Variants in SPPL3 observed in about 807,000 individuals in gnomAD.
SPPL3 encodes signal peptide peptidase like 3.
A neutral mutation model predicts 42.4 loss-of-function variants in SPPL3; 5 were observed. The ratio of observed to expected loss-of-function variants is 0.12; its 90% CI spans 0.06 to 0.25. The LOEUF (loss-of-function observed/expected upper bound fraction) is 0.25, where lower values mean the gene tolerates loss of function less well. Ranked by LOEUF, SPPL3 falls within the 10% of genes least tolerant of loss-of-function variation. The pLI is 1.00. For synonymous variants in SPPL3, 195 were observed against 181.8 expected (o/e 1.07, Z -0.58); for missense variants, 235 against 489.0 (o/e 0.48, Z 4.90).
chr12:120,804,953 T>C (rs1328853043), intron 2 of SPPL3, among the ~76,000 whole-genome samples: 1 of 152,140 alleles, frequency 6.6e-6, no homozygotes, highest in Non-Finnish European at 1.5e-5. Context: ...AAAAACATGC[T>C]AAGTGAAAGA....
intron 1 of SPPL3, among the ~76,000 whole-genome samples, chr12:120,867,705 C>T (rs1212597705): frequency 1.3e-5 from 2 of 150,916 alleles, no homozygotes; most frequent in Admixed American, 1.3e-4. Flanking sequence ...AGAAGTTTAT[C>T]TTAGAGTTGA....
chr12:120,875,297 T>C (rs529323398), intron 1 of SPPL3, among the ~76,000 whole-genome samples: 1 of 152,220 alleles, frequency 6.6e-6, no homozygotes, highest in Non-Finnish European at 1.5e-5. Flanking sequence ...ATTTTTAAAA[T>C]TATGCTTAAG....
In SPPL3 at chr12:120,858,684, G is replaced by A. The variant is rs116608936; in HGVS notation, c.23+45161C>T. On this transcript the variant is annotated intron_variant, in intron 1 of 10. Transcript: ENST00000353487. The stretch of plus-strand genomic sequence containing the variant: ...GAAAGGGATAAAAAGATTAGAGAGC[G>A]GCAATCTATAGAAAAACAGGCAAAG... Among the ~76,000 whole-genome samples the A allele has an allele frequency of 6.5e-3, 994 of 152,048 alleles. 19 individuals carry two copies. The highest frequency in any genetic ancestry group is 0.022 in the African/African-American group (929 of 41,464).
At chr12:120,845,520 G>T in intron 1 of SPPL3, 1 of 450,352 alleles carries the variant, frequency 2.2e-6, no homozygotes, top group Non-Finnish European at 4.3e-6. Flanking sequence ...GGTGGGAATG[G>T]TGGTCACCAT....
At position 120,806,459 on chromosome 12, in the gene SPPL3, T is replaced by C. The variant is rs188959530; in HGVS notation, c.101+4350A>G. Among the ~76,000 whole-genome samples, 295 of 152,232 alleles carry C rather than the reference T, an allele frequency of 1.9e-3. 1 individual carries two copies. Among genetic ancestry groups the C allele is most frequent in the African/African-American group, 6.8e-3 (284 of 41,544 alleles). ...AAGTGGATAACCACATTTATAAAGA[T>C]GAAATTAAATTTGTACCTCATGCCA... On this transcript the variant is annotated intron_variant, in intron 2 of 10. Coordinates refer to ENST00000353487, the MANE Select transcript of SPPL3 (RefSeq NM_139015.5).
chr12:120,865,893 C>T (rs1436044674), intron 1 of SPPL3, among the ~76,000 whole-genome samples: 3 of 152,306 alleles, frequency 2.0e-5, no homozygotes, highest in Non-Finnish European at 4.4e-5. Context: ...CTCACATTAA[C>T]GCCTGAGTTC....
At chr12:120,877,506 A>G (rs1593007647) in intron 1 of SPPL3, among the ~76,000 whole-genome samples, 1 of 152,182 alleles carries the variant, frequency 6.6e-6, no homozygotes, top group East Asian at 1.9e-4. Flanking sequence ...CCCGGCCAGG[A>G]GTGGTGGCTC....
chr12:120,864,669 T>C (rs756834056), intron 1 of SPPL3, among the ~76,000 whole-genome samples: 1 of 152,236 alleles, frequency 6.6e-6, no homozygotes. Context: ...AGTTTATTAG[T>C]TATTCTTAAA....
intron 1 of SPPL3, among the ~76,000 whole-genome samples, chr12:120,843,953 TC>T (rs1299494626): frequency 4.6e-5 from 7 of 152,018 alleles, no homozygotes; most frequent in Non-Finnish European, 1.0e-4. Flanking sequence ...GCGAGATTCC[TC>T]CCAAAAATAA....
intron 2 of SPPL3, among the ~76,000 whole-genome samples, chr12:120,809,976 A>AT (rs11453590): frequency 0.19 from 27,940 of 150,776 alleles, 3,958 homozygotes; most frequent in African/African-American, 0.39. Flanking sequence ...AACATAAAAA[A>AT]ATTTTTTTTT....
intron 6 of SPPL3, among the ~76,000 whole-genome samples, chr12:120,773,384 T>C (rs1013770841): frequency 6.6e-6 from 1 of 152,304 alleles, no homozygotes; most frequent in Admixed American, 6.5e-5. Context: ...GATCTGTTCA[T>C]GGACTTACAG....
chr12:120,827,341 AATAATAATAATAAT>A (rs986979261), intron 1 of SPPL3, among the ~76,000 whole-genome samples: 62 of 147,366 alleles, frequency 4.2e-4, no homozygotes, highest in East Asian at 1.6e-3. Context: ...TAATAATAAT[AATAATAATAATAAT>A]ATAATAATAT....
intron 2 of SPPL3, among the ~76,000 whole-genome samples, chr12:120,798,955 G>A (rs933524901): frequency 3.9e-5 from 6 of 152,120 alleles, no homozygotes; most frequent in Admixed American, 2.6e-4. Flanking sequence ...AACCCCCCGC[G>A]GGACAGGATG....
intron 1 of SPPL3, among the ~76,000 whole-genome samples, chr12:120,861,333 C>T (rs1303538704): frequency 6.6e-6 from 1 of 152,130 alleles, no homozygotes; most frequent in Non-Finnish European, 1.5e-5. Context: ...TTTGCTTATT[C>T]TTAAATGAGA....
intron 1 of SPPL3, among the ~76,000 whole-genome samples, chr12:120,827,493 T>C (rs1871264623): frequency 6.6e-6 from 1 of 152,130 alleles, no homozygotes; most frequent in Admixed American, 6.6e-5. Context: ...ACTTCCACTA[T>C]CAGCTTTAGA....
intron 1 of SPPL3, among the ~76,000 whole-genome samples, chr12:120,893,536 C>A (rs1873710721): frequency 6.6e-6 from 1 of 152,090 alleles, no homozygotes; most frequent in South Asian, 2.1e-4. Context: ...ATGGCCAGTA[C>A]CCAGAAGATG....
At position 120,846,662 on chromosome 12, in the gene SPPL3, T is replaced by C. The variant is rs546630259; in HGVS notation, c.24-35776A>G. Reference sequence around the variant, plus strand: ...AAAACTTGCAACAAATTAGATAAAATTTTTTAAGAATAACAAAGCTCTCAA... The same window carrying C: ...AAAACTTGCAACAAATTAGATAAAACTTTTTAAGAATAACAAAGCTCTCAA... On this transcript the variant is annotated intron_variant, in intron 1 of 10. Transcript: ENST00000353487. 5.0e-4 allele frequency among the ~76,000 whole-genome samples: 76 copies of C among 152,238 alleles called. 1 individual carries two copies. Among genetic ancestry groups the C allele is most frequent in the Non-Finnish European group, 9.1e-4 (62 of 68,014 alleles).
intron 1 of SPPL3, among the ~76,000 whole-genome samples, chr12:120,870,272 C>T (rs1231872519): frequency 6.6e-6 from 1 of 151,650 alleles, no homozygotes; most frequent in African/African-American, 2.4e-5. Context: ...ATGGAGAAAC[C>T]CCATCTCTAC....
chr12:120,854,785 A>G (rs936152137), intron 1 of SPPL3, among the ~76,000 whole-genome samples: 1 of 152,186 alleles, frequency 6.6e-6, no homozygotes, highest in Non-Finnish European at 1.5e-5. Context: ...ACTTCCTATT[A>G]TTCCTACTCC....
Sources: allele counts gnomAD v4.1 joint callset (sites outside exome capture counted in the v4.1 genomes callset), GRCh38; gene constraint gnomAD v4.1.1; transcripts MANE v1.5; gene names NCBI Gene and HGNC (gene_info 2026-07-23, HGNC 2026-07-21).